Variants in NOSTRIN observed in about 807,000 individuals in gnomAD.
NOSTRIN encodes the protein BM247 homolog.
NOSTRIN carries 63 observed loss-of-function variants against 59.0 expected under a neutral mutation model. The observed-to-expected ratio is 1.07, with a 90% CI of 0.87 to 1.32. The LOEUF (loss-of-function observed/expected upper bound fraction) is 1.32. NOSTRIN is among the 40% of genes most tolerant of loss of function. The pLI is 0.00. For synonymous variants in NOSTRIN, 200 were observed against 165.4 expected, an observed-to-expected ratio of 1.21 and a Z score of -1.61; for missense variants, 512 against 473.1, an observed-to-expected ratio of 1.08 and a Z score of -0.76.
intron 1 of NOSTRIN, among the ~76,000 whole-genome samples, chr2:168,805,999 G>C (rs1274367505): frequency 6.6e-6 from 1 of 152,150 alleles, no homozygotes; most frequent in Non-Finnish European, 1.5e-5. Context: ...AGGAGGAAAG[G>C]ATGGAGTAGA....
At chr2:168,787,407 T>C (rs1364541568) in intron 1 of NOSTRIN, among the ~76,000 whole-genome samples, 2 of 152,246 alleles carry the variant, frequency 1.3e-5, no homozygotes, top group African/African-American at 4.8e-5. Flanking sequence ...TTCTTCTTCA[T>C]GTCGCTAACT....
chr2:168,834,501 G>GCACACACACA lies in NOSTRIN; in HGVS notation c.504+177_504+178insACACACACAC, dbSNP rs1425272036. Reference sequence around the variant, plus strand: ...AATCATTACTGGCGTGCGCGCGCGCGCGCGCGCACACACACACACACACAC... The same window carrying GCACACACACA: ...AATCATTACTGGCGTGCGCGCGCGCGCACACACACACGCGCGCACACACACACACACACAC... On this transcript the variant is annotated intron_variant, in intron 7 of 15. Coordinates refer to ENST00000317647, the MANE Select transcript of NOSTRIN (RefSeq NM_001039724.4). 7.8e-3 allele frequency among the ~76,000 whole-genome samples: 861 copies of GCACACACACA among 110,728 alleles called. 6 individuals are homozygous for GCACACACACA. The highest frequency in any genetic ancestry group is 0.026 in the African/African-American group (802 of 31,190). 72.6% of individuals were successfully genotyped at this position (110,728 alleles called of 152,430 possible).
At chr2:168,810,924 T>A (rs936453137) in intron 1 of NOSTRIN, among the ~76,000 whole-genome samples, 5 of 152,198 alleles carry the variant, frequency 3.3e-5, no homozygotes, top group Non-Finnish European at 7.3e-5. Flanking sequence ...ACAAAAACTT[T>A]TACTGGAAAT....
chr2:168,850,922 C>T (rs992767532), intron 8 of NOSTRIN, 162 bp from the exon 9 acceptor site: 4 of 800,692 alleles, frequency 5.0e-6, no homozygotes, highest in Admixed American at 2.0e-5. Flanking sequence ...AAGACACATT[C>T]CTTCCTGGAA....
rs556301402 is a variant in NOSTRIN, at chr2:168,864,708, A to G, written c.1385-126A>G. On this transcript the variant is annotated intron_variant, in intron 15 of 15. Coordinates refer to ENST00000317647, the MANE Select transcript of NOSTRIN (RefSeq NM_001039724.4). Reference sequence around the variant, plus strand: ...GTTCGATACATTTGGCTTCATCTGAATCAAGTGCAGAAAATGACACTACCA... The same window carrying G: ...GTTCGATACATTTGGCTTCATCTGAGTCAAGTGCAGAAAATGACACTACCA... 910 of 1,071,972 alleles carry G rather than the reference A, an allele frequency of 8.5e-4. 1 individual carries two copies. Among genetic ancestry groups the G allele is most frequent in the Non-Finnish European group, 9.2e-4 (684 of 739,990 alleles). 66.4% of individuals were successfully genotyped at this position (1,071,972 alleles called of 1,614,324 possible). A position where few individuals can be genotyped will look rare whatever the true frequency, so the allele number is the denominator to read the frequency against.
chr2:168,825,249 T>G (rs1686995550), intron 3 of NOSTRIN, among the ~76,000 whole-genome samples: 1 of 152,206 alleles, frequency 6.6e-6, no homozygotes, highest in Non-Finnish European at 1.5e-5. Flanking sequence ...GTTATCCCTG[T>G]TTACAGATAA....
chr2:168,831,840 G>C (rs1312806617), intron 6 of NOSTRIN, among the ~76,000 whole-genome samples: 1 of 152,178 alleles, frequency 6.6e-6, no homozygotes, highest in African/African-American at 2.4e-5. Flanking sequence ...TTGGGCAATG[G>C]AGACACAGAG....
At chr2:168,845,072 AAG>A (rs1297946550) in intron 8 of NOSTRIN, among the ~76,000 whole-genome samples, 1 of 124,048 alleles carries the variant, frequency 8.1e-6, no homozygotes, top group Admixed American at 8.2e-5. Context: ...ACTTGGGTCA[AAG>A]AGGGGAACAA....
chr2:168,846,915 T>C (rs1688462970), intron 8 of NOSTRIN, among the ~76,000 whole-genome samples: 1 of 152,154 alleles, frequency 6.6e-6, no homozygotes, highest in Admixed American at 6.5e-5. Flanking sequence ...CTCAGGACAG[T>C]AGGGCTTCAT....
intron 7 of NOSTRIN, among the ~76,000 whole-genome samples, chr2:168,836,214 T>G (rs1470417437): frequency 6.6e-6 from 1 of 152,260 alleles, no homozygotes; most frequent in Admixed American, 6.5e-5. Flanking sequence ...CCCAGTCTGT[T>G]AAAATACTCA....
chr2:168,865,177 T>C lies in NOSTRIN; in HGVS notation c.*207T>C. On this transcript the variant is annotated 3_prime_UTR_variant, in exon 16 of 16. Coordinates refer to ENST00000317647, the MANE Select transcript of NOSTRIN (RefSeq NM_001039724.4). ...GGGTGGAGACAGACAAGGAAGAGGC[T>C]CCTTGGTTCCTAGAGGAGTTTCCAA... 1 of 574,610 alleles carries C rather than the reference T, an allele frequency of 1.7e-6. No individual in the cohort carries two copies. Among genetic ancestry groups the C allele is most frequent in the East Asian group, 3.1e-5 (1 of 32,274 alleles). The allele number at this position is 574,610 out of a possible 1,614,324, so 35.6% of individuals were successfully genotyped here. A position where few individuals can be genotyped will look rare whatever the true frequency, so the allele number is the denominator to read the frequency against.
At chr2:168,805,013 CATA>C (rs1251559869) in intron 1 of NOSTRIN, among the ~76,000 whole-genome samples, 1 of 152,126 alleles carries the variant, frequency 6.6e-6, no homozygotes, top group Non-Finnish European at 1.5e-5. Flanking sequence ...TAAAAAAGCA[CATA>C]ATATCATAAT....
intron 7 of NOSTRIN, among the ~76,000 whole-genome samples, 182 bp downstream of exon 7, chr2:168,834,507 G>GCGCGCACGCACACACA (rs756381301): frequency 8.0e-6 from 1 of 125,342 alleles, no homozygotes; most frequent in East Asian, 2.4e-4. Context: ...GCGCGCGCGC[G>GCGCGCACGCACACACA]CACACACACA....
Position 168,855,361 on chromosome 2 carries a change from C to T in NOSTRIN, c.865C>T (p.Pro289Ser). ...TTCTTTTTTCCTAAAGGAAGAAGAT[C>T]CTAACAGTGCAATGGATAAAGAGAG... is the stretch of plus-strand genomic sequence containing the variant. Reference protein sequence around the residue: ...FLLTDYFEEDPNSAMDKERRK... With the variant: ...FLLTDYFEEDSNSAMDKERRK... The change falls in exon 11 of 16, where the codon CCT becomes TCT. Residue 289 changes from proline (P) to serine (S), a missense_variant. Pro to Ser is a moderately conservative substitution (Grantham distance 74, BLOSUM62 -1). Coordinates refer to ENST00000317647, the MANE Select transcript of NOSTRIN (RefSeq NM_001039724.4). The T allele has an allele frequency of 6.4e-7, 1 of 1,569,364 alleles. No individual in the cohort carries two copies.
At chr2:168,830,620 C>T (rs999263807) in intron 5 of NOSTRIN, among the ~76,000 whole-genome samples, 2 of 152,142 alleles carry the variant, frequency 1.3e-5, no homozygotes, top group African/African-American at 4.8e-5. Context: ...ATCAGATCTC[C>T]CTGGGAAGTT....
At chr2:168,791,784 T>G (rs1040434980) in intron 2 of NOSTRIN, among the ~76,000 whole-genome samples, 1 of 152,246 alleles carries the variant, frequency 6.6e-6, no homozygotes. Flanking sequence ...ATAAATGTCT[T>G]CTTTTGACAA....
At position 168,811,721 on chromosome 2, in the gene NOSTRIN, G is replaced by A. The variant is rs1463018248; in HGVS notation, c.113+69G>A. 3 of 673,148 alleles carry A rather than the reference G, an allele frequency of 4.5e-6. No homozygotes were observed. The African/African-American group carries it at 5.6e-5, about 12-fold the overall frequency. The allele number at this position is 673,148 out of a possible 1,614,324, so 41.7% of individuals were successfully genotyped here. On this transcript the variant is annotated intron_variant, in intron 2 of 15. Coordinates refer to ENST00000317647, the MANE Select transcript of NOSTRIN (RefSeq NM_001039724.4). ...TGTAGCAAGTGATATGACTGGAGGA[G>A]TGATTACAAGCTGTCCTACTTTCCA...
chr2:168,828,931 C>T (rs1041137010), intron 5 of NOSTRIN, among the ~76,000 whole-genome samples: 1 of 151,896 alleles, frequency 6.6e-6, no homozygotes, highest in African/African-American at 2.4e-5. Flanking sequence ...ATAGAAAAAG[C>T]TGGAAGAAGC....
intron 1 of NOSTRIN, among the ~76,000 whole-genome samples, chr2:168,806,207 C>A (rs1685843792): frequency 6.6e-6 from 1 of 152,074 alleles, no homozygotes; most frequent in Non-Finnish European, 1.5e-5. Flanking sequence ...CAGCAAAGTT[C>A]ATTGTGTTAA....
Sources: gnomAD v4.1 joint callset for allele counts (sites outside exome capture counted in the v4.1 genomes callset) on GRCh38, gnomAD v4.1.1 for gene constraint, MANE v1.5 for transcripts, NCBI Gene and HGNC (gene_info 2026-07-23, HGNC 2026-07-21) for gene names.